Variants in ZC4H2 observed in about 807,000 individuals in gnomAD.
ZC4H2 encodes the protein zinc finger C4H2 domain-containing protein.
For synonymous variants in ZC4H2, 84 were observed against 66.3 expected (o/e 1.27, Z -1.30); for missense variants, 137 against 173.9 (o/e 0.79, Z 1.19).
At chrX:64,928,508 C>T (rs984612785) in intron 1 of ZC4H2, among the ~76,000 whole-genome samples, 1 of 111,661 alleles carries the variant, frequency 9.0e-6, no homozygotes, top group Non-Finnish European at 1.9e-5. Flanking sequence ...TAGTACCATG[C>T]TGTTTTGGTT....
intron 1 of ZC4H2, among the ~76,000 whole-genome samples, chrX:64,986,019 C>T (rs892879846): frequency 8.9e-6 from 1 of 111,895 alleles, no homozygotes; most frequent in African/African-American, 3.3e-5. Context: ...CACCCCTACT[C>T]CTTTTTTAAC....
chrX:65,003,538 G>A lies in ZC4H2; in HGVS notation c.-272+31091C>T, dbSNP rs566299483. Among the ~76,000 whole-genome samples the A allele has an allele frequency of 5.0e-4, 56 of 111,274 alleles. 2 individuals carry two copies. The highest frequency in any genetic ancestry group is 5.5e-4 in the Non-Finnish European group (29 of 53,078). On this transcript the variant is annotated intron_variant, in intron 1 of 4. Transcript: ENST00000337990. ...AACAAAATAGATAGACTGCTAGCGAGACTAATAAAGAAGAAAAAAGAGAAG... is the reference window on the plus strand; with the variant it reads ...AACAAAATAGATAGACTGCTAGCGAAACTAATAAAGAAGAAAAAAGAGAAG...
chrX:64,929,153 A>C (rs1021362753), intron 1 of ZC4H2, among the ~76,000 whole-genome samples: 2 of 111,207 alleles, frequency 1.8e-5, no homozygotes, highest in Non-Finnish European at 3.8e-5. Flanking sequence ...TTGGACTCCC[A>C]AAGTTGTGGG....
intron 1 of ZC4H2, among the ~76,000 whole-genome samples, chrX:64,936,046 A>T (rs1929995365): frequency 9.1e-6 from 1 of 110,119 alleles, no homozygotes. Context: ...AGGAATTGCT[A>T]ACTAGAATAA....
intron 1 of ZC4H2, among the ~76,000 whole-genome samples, chrX:65,020,935 C>CCACTAGCCAG (rs1569232496): frequency 9.0e-6 from 1 of 111,206 alleles, no homozygotes; most frequent in African/African-American, 3.3e-5. Context: ...AAAAGAAAGG[C>CCACTAGCCAG]ATTACATAAT....
At chrX:64,950,716 C>T (rs759518921) in intron 1 of ZC4H2, among the ~76,000 whole-genome samples, 1 of 110,923 alleles carries the variant, frequency 9.0e-6, no homozygotes, top group South Asian at 3.9e-4. Flanking sequence ...CTTCCTCCAT[C>T]CCTTTATTTT....
rs768248999 is a variant in ZC4H2, at chrX:64,928,202, C to T, written c.54-6214G>A. Among the ~76,000 whole-genome samples the T allele has an allele frequency of 3.3e-4, 37 of 112,077 alleles. No homozygotes were observed. The South Asian group carries it at 0.014, about 42-fold the overall frequency. On this transcript the variant is annotated intron_variant, in intron 1 of 4. Transcript: ENST00000374839. Reference sequence around the variant, plus strand: ...TTAGTCATGAAGTCTTTGCCCATGCCTATGTCCTGAATGGTATTGCCTAGG... The same window carrying T: ...TTAGTCATGAAGTCTTTGCCCATGCTTATGTCCTGAATGGTATTGCCTAGG...
intron 1 of ZC4H2, among the ~76,000 whole-genome samples, chrX:64,972,296 T>C (rs779801281): frequency 9.0e-6 from 1 of 111,315 alleles, no homozygotes; most frequent in East Asian, 2.8e-4. Context: ...CTGCTTCTGA[T>C]GTTTTTCCCA....
At chrX:65,030,601 ACTGT>A (rs1034875825) in intron 1 of ZC4H2, among the ~76,000 whole-genome samples, 13 of 111,948 alleles carry the variant, frequency 1.2e-4, no homozygotes, top group African/African-American at 4.2e-4. Context: ...GGGCTGGAGC[ACTGT>A]CTAATATTTG....
chrX:64,936,379 C>T (rs1169341515), intron 1 of ZC4H2, among the ~76,000 whole-genome samples: 2 of 111,284 alleles, frequency 1.8e-5, no homozygotes, highest in Non-Finnish European at 3.8e-5. Context: ...ACTTCACTAG[C>T]CTAGCAACAC....
At chrX:65,013,991 A>G (rs1932781096) in intron 1 of ZC4H2, among the ~76,000 whole-genome samples, 1 of 110,476 alleles carries the variant, frequency 9.1e-6, no homozygotes, top group South Asian at 3.8e-4. Context: ...CTTGTGTAGA[A>G]AAAAAAAGCT....
chrX:64,974,209 T>C (rs1020159875), intron 1 of ZC4H2, among the ~76,000 whole-genome samples: 5 of 112,169 alleles, frequency 4.5e-5, no homozygotes, highest in Non-Finnish European at 7.5e-5. Flanking sequence ...ATTGAGTTTT[T>C]TGGGGTTTTT....
chrX:64,934,012 C>A (rs769517184), intron 1 of ZC4H2, among the ~76,000 whole-genome samples: 1 of 111,628 alleles, frequency 9.0e-6, no homozygotes, highest in Non-Finnish European at 1.9e-5. Flanking sequence ...AATTCCCCTG[C>A]CAGGCAAGCA....
At chrX:64,938,451 C>T (rs758252990) in intron 1 of ZC4H2, among the ~76,000 whole-genome samples, 42 of 111,589 alleles carry the variant, frequency 3.8e-4, no homozygotes, top group African/African-American at 7.8e-4. Context: ...CACCATCATC[C>T]GGGTACCAAA....
intron 1 of ZC4H2, among the ~76,000 whole-genome samples, chrX:64,967,084 G>C (rs534357404): frequency 1.8e-5 from 2 of 111,571 alleles, no homozygotes; most frequent in African/African-American, 6.5e-5. Context: ...AAAGGCTTAC[G>C]TAGAGGGAAT....
chrX:64,994,179 C>G (rs564073573), intron 1 of ZC4H2, among the ~76,000 whole-genome samples: 1 of 111,965 alleles, frequency 8.9e-6, no homozygotes, highest in South Asian at 3.7e-4. Flanking sequence ...AGCCTAGGCA[C>G]TGTTAAACCT....
chrX:65,002,921 G>A (rs1471638321), intron 1 of ZC4H2, among the ~76,000 whole-genome samples: 7 of 103,367 alleles, frequency 6.8e-5, no homozygotes, highest in East Asian at 3.1e-4. Context: ...CAAACACTGC[G>A]GAAGGCCCCA....
At chrX:64,945,646 G>A (rs1468596736) in intron 1 of ZC4H2, among the ~76,000 whole-genome samples, 1 of 111,588 alleles carries the variant, frequency 9.0e-6, no homozygotes, top group African/African-American at 3.3e-5. Context: ...GAGCTGGCAG[G>A]CAGGAACATT....
At chrX:64,918,953 A>C in intron 4 of ZC4H2, 89 bp downstream of exon 4, 1 of 1,075,131 alleles carries the variant, frequency 9.3e-7, no homozygotes, top group Non-Finnish European at 1.2e-6. Flanking sequence ...CCCAGCATAA[A>C]TAAAGCCAAA....
Sources: gnomAD v4.1 joint callset for allele counts (sites outside exome capture counted in the v4.1 genomes callset) on GRCh38, gnomAD v4.1.1 for gene constraint, MANE v1.5 for transcripts, NCBI Gene and HGNC (gene_info 2026-07-23, HGNC 2026-07-21) for gene names.